HYDIN: variants seen among roughly 807,000 people sequenced by gnomAD.
HYDIN encodes HYDIN axonemal central pair apparatus protein.
In HYDIN, 132 loss-of-function variants were observed where a neutral mutation model predicts 403.9. The ratio of observed to expected loss-of-function variants is 0.33; its 90% CI spans 0.28 to 0.38. The LOEUF is 0.38. HYDIN is among the 10% of genes least tolerant of loss of function. The pLI, the probability that HYDIN is intolerant of heterozygous loss-of-function variation, is 1.00. For synonymous variants in HYDIN, 1,202 were observed against 1,891.7 expected (o/e 0.64, Z 9.46); for missense variants, 2,827 against 5,009.5 (o/e 0.56, Z 13.15).
In HYDIN at chr16:71,036,763, T is replaced by C. The variant is rs544362609; in HGVS notation, c.2530-4846A>G. 3.0e-4 allele frequency among the ~76,000 whole-genome samples: 46 copies of C among 152,030 alleles called. 2 individuals carry two copies. In the South Asian group the frequency reaches 9.6e-3, roughly 32 times the overall value. On this transcript the variant is annotated intron_variant, in intron 18 of 85. Coordinates refer to ENST00000393567, the MANE Select transcript of HYDIN (RefSeq NM_001270974.2). ...GACAAAGACACATTAAAATGCCAGATGTTAAGGCACTGGACTGCTCTTACC... is the reference window on the plus strand; with the variant it reads ...GACAAAGACACATTAAAATGCCAGACGTTAAGGCACTGGACTGCTCTTACC...
At chr16:70,834,875 T>TGTGTGA (rs1491544313) in intron 78 of HYDIN, among the ~76,000 whole-genome samples, 1 of 145,142 alleles carries the variant, frequency 6.9e-6, no homozygotes, top group African/African-American at 2.6e-5. Context: ...CATATATATA[T>TGTGTGA]GTGTGTGTGT....
At chr16:71,058,821 C>T (rs1002230080) in intron 18 of HYDIN, among the ~76,000 whole-genome samples, 9 of 151,876 alleles carry the variant, frequency 5.9e-5, no homozygotes, top group African/African-American at 1.7e-4. Context: ...ACCTCTGCCA[C>T]CGATGGGACA....
At chr16:71,011,794 A>C (rs2080093519) in intron 23 of HYDIN, among the ~76,000 whole-genome samples, 1 of 151,164 alleles carries the variant, frequency 6.6e-6, no homozygotes, top group Non-Finnish European at 1.5e-5. Flanking sequence ...AGCATCCAGA[A>C]AATGAGGCTC....
chr16:70,945,292 G>A (rs981981126), intron 41 of HYDIN, among the ~76,000 whole-genome samples: 1 of 152,186 alleles, frequency 6.6e-6, no homozygotes, highest in Non-Finnish European at 1.5e-5. Context: ...TTTGAGTTTT[G>A]ACCTTAGCAA....
chr16:70,856,611 A>G (rs1263401623), intron 72 of HYDIN, among the ~76,000 whole-genome samples: 3 of 151,648 alleles, frequency 2.0e-5, no homozygotes, highest in Non-Finnish European at 2.9e-5. Context: ...TTCAGTGTAT[A>G]TTAACATGAT....
chr16:70,920,832 C>A lies in HYDIN; in HGVS notation c.7544G>T (p.Arg2515Leu). The A allele has an allele frequency of 5.1e-6, 8 of 1,575,362 alleles. No individual in the cohort carries two copies. The highest frequency in any genetic ancestry group is 1.1e-5 in the South Asian group (1 of 87,486). Reference sequence around the variant, plus strand: ...CTTCTCCGTGCGCTCCTTCTCCAGGCGCTCTCTCTCCCGGTCCTTGCGGCC... The same window carrying A: ...CTTCTCCGTGCGCTCCTTCTCCAGGAGCTCTCTCTCCCGGTCCTTGCGGCC... ...RRGRKDRERE[R>L]LEKERTEKER... The change falls in exon 46 of 86, where the codon CGC becomes CTC. Residue 2515 changes from arginine (R) to leucine (L), a missense_variant. Physicochemically the swap from Arg to Leu is moderately radical, Grantham distance 102. Transcript: ENST00000393567.
chr16:71,221,761 G>T (rs980210584), intron 1 of HYDIN, among the ~76,000 whole-genome samples: 1 of 152,172 alleles, frequency 6.6e-6, no homozygotes, highest in Admixed American at 6.5e-5. Context: ...TAAGACATTA[G>T]AGAGGTATAG....
In HYDIN at chr16:70,833,900, C is replaced by T. The variant is rs777444703; in HGVS notation, c.13666G>A (p.Asp4556Asn). ...TRRILMMNTG[D>N]VGARFKWDIK... ...CTGCTCCCTTACCTTGCACCCACAT[C>T]GCCTGTGTTCATCATGAGGATGCGA... The change falls in exon 79 of 86, where the codon GAT becomes AAT. Residue 4556 changes from aspartate to asparagine, a missense_variant. Coordinates refer to ENST00000393567, the MANE Select transcript of HYDIN (RefSeq NM_001270974.2). 1.2e-5 allele frequency: 19 copies of T among 1,612,320 alleles called. No homozygotes were observed. Among genetic ancestry groups the T allele is most frequent in the African/African-American group, 2.7e-5 (2 of 74,868 alleles).
intron 41 of HYDIN, among the ~76,000 whole-genome samples, chr16:70,948,203 G>C (rs1472024192): frequency 1.3e-5 from 2 of 148,152 alleles, no homozygotes; most frequent in Non-Finnish European, 3.0e-5. Context: ...ACAAGCAATG[G>C]GGAAAGGATT....
intron 5 of HYDIN, among the ~76,000 whole-genome samples, chr16:71,167,022 AC>A (rs2086258096): frequency 2.0e-5 from 3 of 148,398 alleles, no homozygotes; most frequent in East Asian, 2.1e-4. Context: ...CCGAGATCGC[AC>A]CACTGCACCC....
chr16:70,915,972 G>A (rs113359086), intron 47 of HYDIN, among the ~76,000 whole-genome samples: 3,456 of 152,168 alleles, frequency 0.023, 4 homozygotes, highest in African/African-American at 0.078. Flanking sequence ...CAATCCAAAG[G>A]GCTGGTCTTA....
chr16:71,171,131 C>T (rs1433968448), intron 5 of HYDIN, among the ~76,000 whole-genome samples: 1 of 152,214 alleles, frequency 6.6e-6, no homozygotes, highest in Non-Finnish European at 1.5e-5. Flanking sequence ...CCCCACTGGC[C>T]TTCTCGTACT....
At chr16:71,168,541 A>G (rs2086338348) in intron 5 of HYDIN, among the ~76,000 whole-genome samples, 1 of 151,116 alleles carries the variant, frequency 6.6e-6, no homozygotes. Context: ...TATACAAAGA[A>G]GTCCAGAGGT....
At chr16:71,077,236 T>C (rs1473171695) in intron 13 of HYDIN, among the ~76,000 whole-genome samples, 6 of 152,090 alleles carry the variant, frequency 3.9e-5, no homozygotes, top group Admixed American at 2.0e-4. Flanking sequence ...TAATATCTGA[T>C]AAAGTCCACA....
chr16:70,880,640 G>T (rs998530491), intron 60 of HYDIN, among the ~76,000 whole-genome samples: 1 of 152,178 alleles, frequency 6.6e-6, no homozygotes. Context: ...GAGGGTTTCT[G>T]CTCCTTGTAA....
intron 1 of HYDIN, among the ~76,000 whole-genome samples, chr16:71,225,004 C>A (rs575571444): frequency 1.3e-5 from 2 of 152,180 alleles, no homozygotes; most frequent in Non-Finnish European, 2.9e-5. Context: ...TCCAGCTTGG[C>A]TCAGGCAGAG....
At chr16:70,986,301 C>T (rs2079190369) in intron 27 of HYDIN, among the ~76,000 whole-genome samples, 1 of 150,220 alleles carries the variant, frequency 6.7e-6, no homozygotes, top group South Asian at 2.2e-4. Context: ...GCTGGGTTAG[C>T]AGGCCCAATA....
chr16:71,195,288 G>A (rs372861213), intron 1 of HYDIN, among the ~76,000 whole-genome samples: 52 of 151,864 alleles, frequency 3.4e-4, no homozygotes, highest in Non-Finnish European at 4.3e-4. Context: ...AAACTAAAGC[G>A]AAAGGAATTC....
At chr16:71,099,822 C>T (rs965706374) in intron 10 of HYDIN, among the ~76,000 whole-genome samples, 1 of 150,996 alleles carries the variant, frequency 6.6e-6, no homozygotes, top group Admixed American at 6.6e-5. Flanking sequence ...GGCAACATAG[C>T]AAGACCTCGT....
Sources: gnomAD v4.1 joint callset for allele counts (sites outside exome capture counted in the v4.1 genomes callset) on GRCh38, gnomAD v4.1.1 for gene constraint, MANE v1.5 for transcripts, NCBI Gene and HGNC (gene_info 2026-07-23, HGNC 2026-07-21) for gene names.